Variants in ZFAT observed in about 807,000 individuals in gnomAD.
ZFAT encodes the protein zinc finger and AT-hook domain containing, also known as zinc finger protein ZFAT.
A neutral mutation model predicts 117.7 loss-of-function variants in ZFAT; 64 were observed. The observed-to-expected ratio is 0.54, with a 90% CI of 0.44 to 0.67. The LOEUF (loss-of-function observed/expected upper bound fraction) is 0.67. Among genes scored for constraint, ZFAT ranks in the 30% least tolerant of loss-of-function variants. ZFAT has a pLI of 0.00. For synonymous variants in ZFAT, 679 were observed against 615.0 expected, an observed-to-expected ratio of 1.10 and a Z score of -1.54; for missense variants, 1,433 against 1,584.5, an observed-to-expected ratio of 0.90 and a Z score of 1.62.
intron 15 of ZFAT, among the ~76,000 whole-genome samples, chr8:134,495,949 G>C (rs1276602392): frequency 2.0e-5 from 3 of 151,994 alleles, no homozygotes; most frequent in Admixed American, 2.0e-4. Context: ...AAAAAAGTTG[G>C]TGTCTTATCC....
the ZFAT span, among the ~76,000 whole-genome samples, chr8:134,741,917 C>T: frequency 2.0e-5 from 3 of 151,998 alleles, no homozygotes; most frequent in African/African-American, 7.2e-5. Context: ...TCCCCTCTCC[C>T]TGATCAGCAA....
At chr8:134,597,210 T>C (rs958895762) in intron 7 of ZFAT, among the ~76,000 whole-genome samples, 1 of 151,914 alleles carries the variant, frequency 6.6e-6, no homozygotes, top group African/African-American at 2.4e-5. Context: ...TTGTACTGCG[T>C]CAACATTTTC....
chr8:134,717,643 C>T (rs1400631660), upstream of ZFAT, among the ~76,000 whole-genome samples: 1 of 150,430 alleles, frequency 6.6e-6, no homozygotes, highest in African/African-American at 2.4e-5. Context: ...CCACCACACC[C>T]GGCTAATTTT....
chr8:134,521,953 A>ATCCTT (rs1164831188), intron 12 of ZFAT, among the ~76,000 whole-genome samples: 1 of 151,522 alleles, frequency 6.6e-6, no homozygotes, highest in East Asian at 1.9e-4. Context: ...CTAGTCGCAA[A>ATCCTT]CTCTGGCTTC....
chr8:134,610,833 C>T (rs1214557625), intron 3 of ZFAT, among the ~76,000 whole-genome samples, 178 bp from the exon 4 acceptor site: 1 of 152,214 alleles, frequency 6.6e-6, no homozygotes, highest in South Asian at 2.1e-4. Flanking sequence ...TCACTCGATT[C>T]AGTACATGTT....
At chr8:134,537,537 G>A (rs1179396097) in intron 11 of ZFAT, among the ~76,000 whole-genome samples, 1 of 152,190 alleles carries the variant, frequency 6.6e-6, no homozygotes, top group Non-Finnish European at 1.5e-5. Context: ...GGGAGAAGAC[G>A]AGGGTCGATA....
intron 3 of ZFAT, among the ~76,000 whole-genome samples, chr8:134,618,773 T>C (rs1828911714): frequency 6.6e-6 from 1 of 152,258 alleles, no homozygotes; most frequent in African/African-American, 2.4e-5. Context: ...TTGGAAATTA[T>C]GTACACACTA....
At chr8:134,512,174 T>G (rs530154235) in intron 14 of ZFAT, among the ~76,000 whole-genome samples, 19 of 152,304 alleles carry the variant, frequency 1.2e-4, no homozygotes, top group African/African-American at 4.6e-4. Context: ...ATCTGTGAAG[T>G]GAGAATAGTC....
chr8:134,720,858 G>A, the ZFAT span, among the ~76,000 whole-genome samples: 3 of 152,190 alleles, frequency 2.0e-5, no homozygotes. Context: ...AAATAATAAT[G>A]GTGGTATGGG....
At chr8:134,481,412 T>G (rs1449949803) in intron 15 of ZFAT, among the ~76,000 whole-genome samples, 1 of 152,194 alleles carries the variant, frequency 6.6e-6, no homozygotes, top group African/African-American at 2.4e-5. Flanking sequence ...CCATGAGCTT[T>G]AACACAGGCT....
intron 3 of ZFAT, among the ~76,000 whole-genome samples, chr8:134,622,962 C>G (rs561181424): frequency 6.6e-6 from 1 of 152,250 alleles, no homozygotes; most frequent in African/African-American, 2.4e-5. Flanking sequence ...GTACCTAGAC[C>G]AGAACATACT....
the ZFAT span, among the ~76,000 whole-genome samples, chr8:134,744,301 T>G: frequency 6.6e-6 from 1 of 151,162 alleles, no homozygotes; most frequent in Non-Finnish European, 1.5e-5. Context: ...AAGAGTTTTT[T>G]TTTTTTTTTT....
rs770442363 is a variant in ZFAT, at chr8:134,610,594, C to T, written c.510G>A (p.Ser170=). Residue 170 remains serine (S), a synonymous_variant, in exon 4 of 16, where the codon TCG becomes TCA. Coordinates refer to ENST00000377838, the MANE Select transcript of ZFAT (RefSeq NM_020863.4). ...CTGTTTTCTGTGACCGTGGTCTTTT[C>T]GAGGCTTTTTCCCGATCATCTTCCT... The part of the protein sequence containing the change: ...KCKEDDREKA[S]KRPRSQKTEK... 56 of 1,614,076 alleles carry T rather than the reference C, an allele frequency of 3.5e-5. No individual in the cohort carries two copies. The highest frequency in any genetic ancestry group is 8.3e-5 in the Admixed American group (5 of 60,000).
At chr8:134,580,452 C>G (rs979335117) in intron 10 of ZFAT, among the ~76,000 whole-genome samples, 2 of 152,198 alleles carry the variant, frequency 1.3e-5, no homozygotes, top group African/African-American at 2.4e-5. Flanking sequence ...CCAATGGATT[C>G]AAAGCATGTT....
At chr8:134,557,261 T>C (rs1054835617) in intron 11 of ZFAT, among the ~76,000 whole-genome samples, 1 of 152,140 alleles carries the variant, frequency 6.6e-6, no homozygotes, top group Admixed American at 6.5e-5. Context: ...TGAGGGATAT[T>C]CTATAAAATG....
the ZFAT span, among the ~76,000 whole-genome samples, chr8:134,807,890 A>G: frequency 6.6e-6 from 1 of 152,188 alleles, no homozygotes; most frequent in Non-Finnish European, 1.5e-5. Flanking sequence ...TGAAAAATTT[A>G]TAAAATAGAA....
At chr8:134,762,137 A>G in the ZFAT span, among the ~76,000 whole-genome samples, 24 of 152,260 alleles carry the variant, frequency 1.6e-4, no homozygotes, top group African/African-American at 5.5e-4. Flanking sequence ...GCTAAGTCCA[A>G]CATCAAGTAG....
At chr8:134,709,409 C>T (rs191729507) in intron 1 of ZFAT, among the ~76,000 whole-genome samples, 201 of 152,328 alleles carry the variant, frequency 1.3e-3, no homozygotes, top group African/African-American at 4.7e-3. Flanking sequence ...TGTGACTTCC[C>T]TTAGGTCAGG....
At chr8:134,831,930 C>A in the ZFAT span, among the ~76,000 whole-genome samples, 1 of 151,608 alleles carries the variant, frequency 6.6e-6, no homozygotes, top group Non-Finnish European at 1.5e-5. Context: ...GGGGGCTGAG[C>A]GCCCGGTGTC....
Sources: gnomAD v4.1 joint callset for allele counts (sites outside exome capture counted in the v4.1 genomes callset) on GRCh38, gnomAD v4.1.1 for gene constraint, MANE v1.5 for transcripts, NCBI Gene and HGNC (gene_info 2026-07-23, HGNC 2026-07-21) for gene names.